Variants in PPM1L observed in about 807,000 individuals in gnomAD.
PPM1L encodes protein phosphatase, Mg2+/Mn2+ dependent 1L.
In PPM1L, 13 loss-of-function variants were observed where a neutral mutation model predicts 31.4. The ratio of observed to expected loss-of-function variants is 0.41; its 90% CI spans 0.27 to 0.66. PPM1L has a LOEUF of 0.66. PPM1L is among the 30% of genes least tolerant of loss of function. The pLI, the probability that PPM1L is intolerant of heterozygous loss-of-function variation, is 0.29. For missense variants in PPM1L, 326 were observed against 453.7 expected, an observed-to-expected ratio of 0.72 and a Z score of 2.56; for synonymous variants, 184 against 175.4, an observed-to-expected ratio of 1.05 and a Z score of -0.39.
At chr3:160,808,734 G>A (rs929959028) in intron 1 of PPM1L, among the ~76,000 whole-genome samples, 1 of 152,114 alleles carries the variant, frequency 6.6e-6, no homozygotes, top group African/African-American at 2.4e-5. Flanking sequence ...AGCAGAGAAG[G>A]GAACTGATTA....
At chr3:160,905,313 A>G (rs941773176) in intron 1 of PPM1L, among the ~76,000 whole-genome samples, 1 of 152,172 alleles carries the variant, frequency 6.6e-6, no homozygotes, top group Non-Finnish European at 1.5e-5. Context: ...TGCCAATGGT[A>G]ATTCTTAATC....
At chr3:160,813,367 C>T (rs535251806) in intron 1 of PPM1L, among the ~76,000 whole-genome samples, 14 of 151,984 alleles carry the variant, frequency 9.2e-5, no homozygotes, top group African/African-American at 2.7e-4. Flanking sequence ...TGAGACAGAG[C>T]CTCACTCTGT....
At chr3:160,943,111 C>T (rs1163978009) in intron 1 of PPM1L, among the ~76,000 whole-genome samples, 1 of 152,098 alleles carries the variant, frequency 6.6e-6, no homozygotes, top group Non-Finnish European at 1.5e-5. Context: ...GTGCATAAAG[C>T]AGCCTCTTAG....
At chr3:160,758,722 C>A (rs565107212) in intron 1 of PPM1L, among the ~76,000 whole-genome samples, 159 of 152,230 alleles carry the variant, frequency 1.0e-3, no homozygotes, top group African/African-American at 3.6e-3. Context: ...AGAAAAGGGA[C>A]ACGATAAATG....
chr3:161,025,988 T>C (rs908740926), intron 2 of PPM1L, among the ~76,000 whole-genome samples: 18 of 152,204 alleles, frequency 1.2e-4, no homozygotes, highest in African/African-American at 4.1e-4. Context: ...TTTTACATTT[T>C]CTAGTTAGGG....
intron 1 of PPM1L, among the ~76,000 whole-genome samples, chr3:160,924,896 C>T (rs1436474834): frequency 1.3e-5 from 2 of 152,166 alleles, no homozygotes; most frequent in Non-Finnish European, 2.9e-5. Flanking sequence ...ATTTAGATTT[C>T]CTTTCTGGTA....
chr3:160,879,148 G>A (rs1712618001), intron 1 of PPM1L, among the ~76,000 whole-genome samples: 2 of 152,104 alleles, frequency 1.3e-5, no homozygotes, highest in African/African-American at 2.4e-5. Flanking sequence ...CTGCCACAGG[G>A]GTAACTAAGA....
chr3:160,965,094 A>G (rs927884100), intron 2 of PPM1L, among the ~76,000 whole-genome samples: 1 of 151,824 alleles, frequency 6.6e-6, no homozygotes, highest in Non-Finnish European at 1.5e-5. Context: ...TACTAAAAAT[A>G]CAAAAAATTA....
chr3:160,903,031 A>G (rs781164395), intron 1 of PPM1L, among the ~76,000 whole-genome samples: 42 of 152,206 alleles, frequency 2.8e-4, no homozygotes, highest in Non-Finnish European at 4.1e-4. Flanking sequence ...TAAGGTACAT[A>G]TCTTTAAAAA....
chr3:160,916,753 C>G (rs949640572), intron 1 of PPM1L, among the ~76,000 whole-genome samples: 2 of 151,772 alleles, frequency 1.3e-5, no homozygotes, highest in Non-Finnish European at 2.9e-5. Context: ...CCTCCATATG[C>G]TTCTTATTCC....
At chr3:160,814,970 A>C (rs1712950477) in intron 1 of PPM1L, among the ~76,000 whole-genome samples, 1 of 152,098 alleles carries the variant, frequency 6.6e-6, no homozygotes, top group Admixed American at 6.5e-5. Flanking sequence ...CAAAGGCATA[A>C]GAATGATACA....
intron 1 of PPM1L, among the ~76,000 whole-genome samples, chr3:160,895,933 C>A (rs1713320732): frequency 6.6e-6 from 1 of 152,190 alleles, no homozygotes; most frequent in African/African-American, 2.4e-5. Context: ...AGACACCTTT[C>A]AAATGCTTGA....
intron 2 of PPM1L, among the ~76,000 whole-genome samples, chr3:161,055,681 C>A (rs1178813362): frequency 1.3e-5 from 2 of 152,008 alleles, no homozygotes; most frequent in Non-Finnish European, 2.9e-5. Flanking sequence ...TCACTGAAAT[C>A]CTTGAAGTGT....
chr3:160,933,253 A>T (rs1714844734), intron 1 of PPM1L, among the ~76,000 whole-genome samples: 1 of 152,020 alleles, frequency 6.6e-6, no homozygotes, highest in African/African-American at 2.4e-5. Context: ...TTTTTATTTT[A>T]TTATAATTTG....
intron 1 of PPM1L, among the ~76,000 whole-genome samples, chr3:160,762,192 T>G (rs1305326391): frequency 6.6e-6 from 1 of 152,244 alleles, no homozygotes; most frequent in Non-Finnish European, 1.5e-5. Context: ...TGTTCGGCTT[T>G]CACATTATGA....
chr3:161,022,146 TAC>T, intron 2 of PPM1L: 1 of 679,450 alleles, frequency 1.5e-6, no homozygotes, highest in Non-Finnish European at 2.7e-6. Flanking sequence ...TTTTTTTTTT[TAC>T]CCTTAGTTAC....
intron 1 of PPM1L, among the ~76,000 whole-genome samples, chr3:160,810,532 C>G (rs1712774887): frequency 6.6e-6 from 1 of 152,018 alleles, no homozygotes; most frequent in African/African-American, 2.4e-5. Flanking sequence ...CTGTAGTTAC[C>G]AAGCAGCTGG....
intron 1 of PPM1L, among the ~76,000 whole-genome samples, chr3:160,819,261 T>TGTG (rs1713119910): frequency 6.6e-6 from 1 of 152,054 alleles, no homozygotes; most frequent in Non-Finnish European, 1.5e-5. Flanking sequence ...CCCTGAAATG[T>TGTG]GTGGAATGAC....
At chr3:161,020,143 T>C (rs1046050496) in intron 2 of PPM1L, among the ~76,000 whole-genome samples, 1 of 148,052 alleles carries the variant, frequency 6.8e-6, no homozygotes, top group Non-Finnish European at 1.5e-5. Flanking sequence ...AAAAAAAAAG[T>C]TGTACTAAGC....
Sources: gnomAD v4.1 joint callset for allele counts (sites outside exome capture counted in the v4.1 genomes callset) on GRCh38, gnomAD v4.1.1 for gene constraint, MANE v1.5 for transcripts, NCBI Gene and HGNC (gene_info 2026-07-23, HGNC 2026-07-21) for gene names.